NF1: variants seen among roughly 807,000 people sequenced by gnomAD.
The protein encoded by NF1 is neurofibromin.
In NF1, 122 loss-of-function variants were observed where a neutral mutation model predicts 325.7. The ratio of observed to expected loss-of-function variants is 0.37; its 90% confidence interval spans 0.32 to 0.44. NF1 has a LOEUF of 0.44. Ranked by LOEUF, NF1 falls within the 20% of genes least tolerant of loss-of-function variation. The probability of loss-of-function intolerance (pLI) is 1.00; values close to 1 mark genes in which losing one functional copy is unlikely to be tolerated. For synonymous variants in NF1, 1,091 were observed against 1,186.0 expected (o/e 0.92, Z 1.65); for missense variants, 2,140 against 3,415.4 (o/e 0.63, Z 9.31).
chr17:31,239,653 A>G (rs898462098), intron 29 of NF1, among the ~76,000 whole-genome samples: 2 of 152,124 alleles, frequency 1.3e-5, no homozygotes, highest in African/African-American at 2.4e-5. Context: ...TTGTGGGTAC[A>G]TAGTAGGTGT....
At chr17:31,220,346 C>T (rs2066900389) in intron 14 of NF1, among the ~76,000 whole-genome samples, 1 of 152,026 alleles carries the variant, frequency 6.6e-6, no homozygotes, top group Admixed American at 6.6e-5. Flanking sequence ...GCTATTGGTC[C>T]CGTAAATTGA....
intron 1 of NF1, among the ~76,000 whole-genome samples, chr17:31,109,781 AT>A (rs1365299066): frequency 6.6e-6 from 1 of 152,136 alleles, no homozygotes; most frequent in East Asian, 1.9e-4. Context: ...GACTCTAGTG[AT>A]TCTTGTTCTT....
Position 31,226,170 on chromosome 17 carries a change from A to G in NF1, c.2002-265A>G, listed in dbSNP as rs560586580. The stretch of plus-strand genomic sequence containing the variant: ...TTACATTTCTGGAATCTGGAATAGG[A>G]TAATATCTATTTGATTTGAAATTGA... On this transcript the variant is annotated intron_variant, in intron 17 of 57. Transcript: ENST00000358273. Among the ~76,000 whole-genome samples, 19 of 152,232 alleles carry G rather than the reference A, an allele frequency of 1.2e-4. No homozygotes were observed. In the South Asian group the frequency reaches 3.7e-3, roughly 30 times the overall value.
chr17:31,304,293 G>A (rs201351282), intron 36 of NF1: 57 of 1,612,408 alleles, frequency 3.5e-5, no homozygotes, highest in Non-Finnish European at 2.2e-5. Flanking sequence ...GAGGTGGCAG[G>A]GATTCATTAA....
chr17:31,240,955 G>T, intron 29 of NF1, among the ~76,000 whole-genome samples: 1 of 152,082 alleles, frequency 6.6e-6, no homozygotes, highest in Admixed American at 6.5e-5. Flanking sequence ...TTGGCTCACT[G>T]CAACCTCTGC....
chr17:31,357,264 G>T lies in NF1; in HGVS notation c.7870-5G>T, dbSNP rs1169181885. ...TTGTGTGTTTACTTTTTTGCATCTT[G>T]GCAGGCTACACTGGTAAAATATACC... On this transcript the variant is annotated splice_region_variant and splice_polypyrimidine_tract_variant and intron_variant, in intron 53 of 57. Coordinates refer to ENST00000358273, the MANE Select transcript of NF1 (RefSeq NM_001042492.3). 9.3e-6 allele frequency: 15 copies of T among 1,613,166 alleles called. No homozygotes were observed. The highest frequency in any genetic ancestry group is 1.2e-5 in the Non-Finnish European group (14 of 1,179,308).
At chr17:31,295,405 T>C (rs1421084166) in intron 36 of NF1, 4 of 1,614,022 alleles carry the variant, frequency 2.5e-6, no homozygotes, top group Non-Finnish European at 2.5e-6. Context: ...TTGTTTCCTT[T>C]GTTCGATATT....
intron 36 of NF1, among the ~76,000 whole-genome samples, chr17:31,266,847 A>G (rs1000555746): frequency 2.0e-5 from 3 of 152,100 alleles, no homozygotes; most frequent in Non-Finnish European, 2.9e-5. Context: ...GTGAGATTCA[A>G]TCAGTTTGGT....
rs2069104739 is a variant in NF1 at position 31,319,000 on chromosome 17, A to G, written c.4836-6820A>G. ...ATGTAGGTAATGTCCTGTGTGTTCC[A>G]TGTCCGTGGGCATGCTTGGCAATCT... On this transcript the variant is annotated intron_variant, in intron 36 of 57. Transcript: ENST00000358273. 1 of 1,604,742 alleles carries G rather than the reference A, an allele frequency of 6.2e-7. No homozygotes were observed. The highest frequency in any genetic ancestry group is 2.2e-5 in the East Asian group (1 of 44,806).
At chr17:31,284,393 T>C (rs6505232) in intron 36 of NF1, among the ~76,000 whole-genome samples, 71,933 of 152,006 alleles carry the variant, frequency 0.47, 21,004 homozygotes, top group African/African-American at 0.82. Flanking sequence ...AGAGCTTCTC[T>C]TGCCTCAGTC....
At chr17:31,236,462 C>T (rs1348197170) in intron 29 of NF1, among the ~76,000 whole-genome samples, 1 of 152,072 alleles carries the variant, frequency 6.6e-6, no homozygotes, top group Non-Finnish European at 1.5e-5. Flanking sequence ...AAATTTGAGA[C>T]AGAGTCTCAC....
At chr17:31,263,607 A>G (rs1401892628) in intron 35 of NF1, among the ~76,000 whole-genome samples, 1 of 151,484 alleles carries the variant, frequency 6.6e-6, no homozygotes, top group Non-Finnish European at 1.5e-5. Context: ...CTGAGATCCT[A>G]CCTTCCCTTA....
At chr17:31,150,990 AC>A (rs1916898216) in intron 1 of NF1, among the ~76,000 whole-genome samples, 1 of 151,746 alleles carries the variant, frequency 6.6e-6, no homozygotes, top group South Asian at 2.1e-4. Flanking sequence ...AGCTGAGATT[AC>A]GCCACTGCAC....
intron 1 of NF1, among the ~76,000 whole-genome samples, chr17:31,123,605 T>C (rs768660644): frequency 7.2e-5 from 11 of 152,130 alleles, no homozygotes; most frequent in Non-Finnish European, 1.0e-4. Context: ...TAAAGAATAA[T>C]GTTAGGAAAA....
At chr17:31,288,522 G>GTTTTTTTTTTTTTTTT (rs200926157) in intron 36 of NF1, among the ~76,000 whole-genome samples, 1 of 119,666 alleles carries the variant, frequency 8.4e-6, no homozygotes, top group Non-Finnish European at 1.9e-5. Context: ...TTTTTGCTTT[G>GTTTTTTTTTTTTTTTT]TTTTTTTTTT....
chr17:31,352,198 A>AC (rs1338412571), intron 50 of NF1, 59 bp from the exon 51 acceptor site: 2 of 1,543,126 alleles, frequency 1.3e-6, no homozygotes, highest in African/African-American at 2.7e-5. Context: ...GAAGGAGCAA[A>AC]CGATGGTTGT....
intron 12 of NF1, among the ~76,000 whole-genome samples, chr17:31,212,920 A>G (rs977563796): frequency 6.6e-6 from 1 of 152,092 alleles, no homozygotes; most frequent in Admixed American, 6.6e-5. Flanking sequence ...TTTTTCAGCT[A>G]TGTTACATAT....
intron 36 of NF1, among the ~76,000 whole-genome samples, chr17:31,312,741 T>C (rs1349532266): frequency 6.6e-6 from 1 of 152,130 alleles, no homozygotes; most frequent in Non-Finnish European, 1.5e-5. Context: ...CCACAGTAAT[T>C]ACTTAGAAGA....
chr17:31,146,260 G>T (rs1486702702), intron 1 of NF1, among the ~76,000 whole-genome samples: 4 of 152,092 alleles, frequency 2.6e-5, no homozygotes, highest in Non-Finnish European at 2.9e-5. Flanking sequence ...CAAGATTTTT[G>T]GGAGCGCCAA....
Sources: gnomAD v4.1 joint callset for allele counts (sites outside exome capture counted in the v4.1 genomes callset) on GRCh38, gnomAD v4.1.1 for gene constraint, MANE v1.5 for transcripts, NCBI Gene and HGNC (gene_info 2026-07-23, HGNC 2026-07-21) for gene names.